ARHGEF3: variants seen among roughly 807,000 people sequenced by gnomAD.
ARHGEF3 encodes the protein 59.8 kDA protein.
In ARHGEF3, 28 loss-of-function variants were observed where a neutral mutation model predicts 63.2. The observed-to-expected ratio is 0.44, with a 90% confidence interval of 0.33 to 0.61. The LOEUF is 0.61. Ranked by LOEUF, ARHGEF3 falls within the 20% of genes least tolerant of loss-of-function variation. ARHGEF3 has a pLI of 0.03. For missense variants in ARHGEF3, 533 were observed against 659.3 expected, an observed-to-expected ratio of 0.81 and a Z score of 2.10; for synonymous variants, 266 against 254.2, an observed-to-expected ratio of 1.05 and a Z score of -0.44.
intron 3 of ARHGEF3, among the ~76,000 whole-genome samples, chr3:56,888,247 G>A (rs1432706452): frequency 6.6e-6 from 1 of 152,104 alleles, no homozygotes. Context: ...TGTCAGATCT[G>A]TTCAAGGGTG....
At chr3:57,074,451 T>C (rs975565260) in intron 1 of ARHGEF3, 4 of 611,112 alleles carry the variant, frequency 6.5e-6, no homozygotes, top group African/African-American at 1.9e-5. Context: ...ATATCACAGA[T>C]GAAGAAATCA....
chr3:56,818,221 T>A (rs2038340591), intron 4 of ARHGEF3, among the ~76,000 whole-genome samples: 1 of 152,040 alleles, frequency 6.6e-6, no homozygotes, highest in South Asian at 2.1e-4. Flanking sequence ...TCTTGAAAAT[T>A]CTGAAACTCT....
intron 2 of ARHGEF3, among the ~76,000 whole-genome samples, chr3:56,959,503 A>C (rs1298540909): frequency 6.6e-6 from 1 of 152,182 alleles, no homozygotes; most frequent in Non-Finnish European, 1.5e-5. Context: ...TCTGTCTCCT[A>C]ATCAAATTTT....
At chr3:57,056,515 T>C (rs1579182361) in intron 1 of ARHGEF3, among the ~76,000 whole-genome samples, 1 of 151,666 alleles carries the variant, frequency 6.6e-6, no homozygotes, top group East Asian at 1.9e-4. Context: ...AAAAGTGTTC[T>C]GGACAGGAGG....
chr3:56,828,861 T>C (rs555570568), intron 4 of ARHGEF3, among the ~76,000 whole-genome samples: 1 of 152,310 alleles, frequency 6.6e-6, no homozygotes, highest in South Asian at 2.1e-4. Flanking sequence ...CCTTGTATGG[T>C]TGTGGGTGGA....
At chr3:56,901,354 A>T (rs563128043) in intron 3 of ARHGEF3, among the ~76,000 whole-genome samples, 1 of 149,032 alleles carries the variant, frequency 6.7e-6, no homozygotes, top group Non-Finnish European at 1.5e-5. Context: ...GAGAGTAAAC[A>T]AGAGAGTGGC....
At chr3:56,868,361 GTT>G (rs35860517) in intron 4 of ARHGEF3, among the ~76,000 whole-genome samples, 15 of 140,584 alleles carry the variant, frequency 1.1e-4, no homozygotes, top group Middle Eastern at 3.6e-3. Flanking sequence ...TTTTTTGTTT[GTT>G]TTTTTTTTTT....
chr3:57,003,508 G>A (rs1341871121), intron 2 of ARHGEF3, among the ~76,000 whole-genome samples: 1 of 151,314 alleles, frequency 6.6e-6, no homozygotes, highest in Non-Finnish European at 1.5e-5. Flanking sequence ...ACCCAAGGCT[G>A]TGAGCTTAGC....
At chr3:56,887,222 T>A (rs1560022537) in intron 3 of ARHGEF3, among the ~76,000 whole-genome samples, 2 of 152,220 alleles carry the variant, frequency 1.3e-5, no homozygotes, top group South Asian at 4.1e-4. Flanking sequence ...TGAGAAGGAC[T>A]GCACAGCATA....
chr3:56,968,547 T>C (rs745450884), intron 2 of ARHGEF3, among the ~76,000 whole-genome samples: 8 of 148,546 alleles, frequency 5.4e-5, no homozygotes, highest in Non-Finnish European at 8.9e-5. Context: ...CAGGATGGTC[T>C]TGAACTCTTG....
chr3:56,934,837 G>C (rs2042513210), intron 3 of ARHGEF3, among the ~76,000 whole-genome samples: 1 of 152,242 alleles, frequency 6.6e-6, no homozygotes, highest in Non-Finnish European at 1.5e-5. Context: ...CCACCCAAGG[G>C]CTGAGGAGCG....
chr3:57,063,802 G>A (rs936595051), intron 1 of ARHGEF3, among the ~76,000 whole-genome samples: 1 of 152,228 alleles, frequency 6.6e-6, no homozygotes, highest in Non-Finnish European at 1.5e-5. Context: ...TATCTGGGGA[G>A]AGGGGAGTGG....
At chr3:56,941,713 A>C (rs1053546146) in intron 3 of ARHGEF3, among the ~76,000 whole-genome samples, 6 of 152,202 alleles carry the variant, frequency 3.9e-5, no homozygotes, top group African/African-American at 1.4e-4. Flanking sequence ...TAACACAACA[A>C]CAGTTCTCTG....
rs530687744 is a variant in ARHGEF3, at chr3:57,000,211, C to T, written c.62+34877G>A. ...TCACTTCTCTACAAAGAGCGCCCCA[C>T]GTATCTTCAGAAATGACTTCTCAGT... On this transcript the variant is annotated intron_variant, in intron 2 of 12. Coordinates refer to the ARHGEF3 transcript ENST00000338458. Among the ~76,000 whole-genome samples the T allele has an allele frequency of 1.6e-4, 25 of 152,224 alleles. No homozygotes were observed. The South Asian group carries it at 3.3e-3, about 20-fold the overall frequency.
intron 7 of ARHGEF3, 45 bp downstream of exon 7, chr3:56,745,160 T>G (rs1296536939): frequency 6.3e-7 from 1 of 1,585,582 alleles, no homozygotes; most frequent in African/African-American, 1.3e-5. Flanking sequence ...CCAGCCATTA[T>G]GGTGGAAATA....
At chr3:56,968,199 T>C in intron 2 of ARHGEF3, among the ~76,000 whole-genome samples, 1 of 23,958 alleles carries the variant, frequency 4.2e-5, no homozygotes, top group Non-Finnish European at 9.3e-5. Flanking sequence ...TTATATATAA[T>C]ATATAAAAAT....
At chr3:56,979,673 G>A (rs13074912) in intron 2 of ARHGEF3, among the ~76,000 whole-genome samples, 5 of 152,166 alleles carry the variant, frequency 3.3e-5, no homozygotes, top group African/African-American at 9.7e-5. Flanking sequence ...CCATGGCAAC[G>A]CTGGGGCTCA....
chr3:56,779,486 A>AT (rs397712262), intron 1 of ARHGEF3, among the ~76,000 whole-genome samples: 6,097 of 149,830 alleles, frequency 0.041, 372 homozygotes, highest in African/African-American at 0.14. Context: ...GTTTTTTTTT[A>AT]TTTTTTTTTT....
rs1560091352 is a variant in ARHGEF3 at position 56,967,314 on chromosome 3, T to TATATATTATACAAATTATATATTATATA, written c.63-8426_63-8425insTATATAATATATAATTTGTATAATATAT. ...ATTATACAAATTATATATTATATAT[T>TATATATTATACAAATTATATATTATATA]ATATATTATATATTATATATTGTAC... On this transcript the variant is annotated intron_variant, in intron 2 of 12. Coordinates refer to the ARHGEF3 transcript ENST00000338458. Among the ~76,000 whole-genome samples the TATATATTATACAAATTATATATTATATA allele has an allele frequency of 3.8e-4, 18 of 46,926 alleles. 3 individuals are homozygous for TATATATTATACAAATTATATATTATATA. The highest frequency in any genetic ancestry group is 8.6e-4 in the East Asian group (1 of 1,160). 30.8% of individuals were successfully genotyped at this position (46,926 alleles called of 152,430 possible). A position where few individuals can be genotyped will look rare whatever the true frequency, so the allele number is the denominator to read the frequency against.
Sources: gnomAD v4.1 joint callset for allele counts (sites outside exome capture counted in the v4.1 genomes callset) on GRCh38, gnomAD v4.1.1 for gene constraint, MANE v1.5 for transcripts, NCBI Gene and HGNC (gene_info 2026-07-23, HGNC 2026-07-21) for gene names.